The following LOXL1 variants were observed in gnomAD, a reference collection of about 807,000 sequenced individuals.
LOXL1 encodes lysyl oxidase homolog 1.
A neutral mutation model predicts 62.2 loss-of-function variants in LOXL1; 31 were observed. That is an observed-to-expected ratio of 0.50 (90% CI 0.37 to 0.67). LOXL1 has a LOEUF of 0.67. LOXL1 is among the 30% of genes least tolerant of loss of function. LOXL1 has a pLI of 0.00. For missense variants in LOXL1, 775 were observed against 843.4 expected (o/e 0.92, Z 1.00); for synonymous variants, 403 against 384.4 (o/e 1.05, Z -0.56).
At position 73,930,988 on chromosome 15, in the gene LOXL1, C is replaced by T. The variant is rs2068631328; in HGVS notation, c.1102+3103C>T. ...TGTGTCGGCTCCCTCGATGTGACCA[C>T]TCCTGCTATTACCAACCAGGCCCTC... is the stretch of plus-strand genomic sequence containing the variant. On this transcript the variant is annotated intron_variant, in intron 1 of 6. Coordinates refer to ENST00000261921, the MANE Select transcript of LOXL1 (RefSeq NM_005576.4). The surrounding 1 kb of genome is among the most constrained non-coding windows in gnomAD (Gnocchi z 4.7). Among the ~76,000 whole-genome samples, 1 of 152,168 alleles carries T rather than the reference C, an allele frequency of 6.6e-6. No individual in the cohort carries two copies. Among genetic ancestry groups the T allele is most frequent in the Non-Finnish European group, 1.5e-5 (1 of 68,028 alleles).
In LOXL1 at chr15:73,947,299, C is replaced by T. The variant is rs2068755077; in HGVS notation, c.1506+76C>T. On this transcript the variant is annotated intron_variant, in intron 4 of 6. Transcript: ENST00000261921. ...AGGCAAAGAGCGAGGCCCGCTGAGG[C>T]CCGGCAAGTGCCAAGGCTTCTGGCC... 2.0e-6 allele frequency: 3 copies of T among 1,492,042 alleles called. No homozygotes were observed. The Admixed American group carries it at 5.9e-5, about 29-fold the overall frequency. 92.4% of individuals were successfully genotyped at this position (1,492,042 alleles called of 1,614,324 possible).
At chr15:73,935,227 G>C (rs1241633328) in intron 1 of LOXL1, among the ~76,000 whole-genome samples, 1 of 152,194 alleles carries the variant, frequency 6.6e-6, no homozygotes, top group Non-Finnish European at 1.5e-5. Flanking sequence ...GTCAGCCAGG[G>C]GAACCGACAG....
In LOXL1 at chr15:73,926,877, C is replaced by T. The variant is rs1214574400; in HGVS notation, c.94C>T (p.Gln32Ter). 1 of 1,557,078 alleles carries T rather than the reference C, an allele frequency of 6.4e-7. No individual in the cohort carries two copies. The highest frequency in any genetic ancestry group is 8.7e-7 in the Non-Finnish European group (1 of 1,151,110). The change falls in exon 1 of 7, where the codon CAG becomes TAG. Residue 32 changes from glutamine to a stop codon, truncating the protein, a stop_gained. Coordinates refer to ENST00000261921, the MANE Select transcript of LOXL1 (RefSeq NM_005576.4). LOFTEE classifies it high-confidence loss of function. ...GCACGGGCAGCAGGCGCAGCCCGGG[C>T]AGGGCTCGGACCCCGCCCGCTGGCG... is the stretch of plus-strand genomic sequence containing the variant. The part of the protein sequence containing the change: ...LVHGQQAQPG[Q>*]GSDPARWRQL...
intron 5 of LOXL1, 126 bp from the exon 6 acceptor site, chr15:73,949,333 C>G (rs983974130): frequency 9.7e-6 from 7 of 719,986 alleles, no homozygotes; most frequent in Non-Finnish European, 1.8e-5. Flanking sequence ...CAGTGTGTCT[C>G]TGTTCTCCCT....
Position 73,927,282 on chromosome 15 carries a change from T to C in LOXL1, c.499T>C (p.Tyr167His). ...CTCGGCTTCGGCCTTCGCCAGCACC[T>C]ACCGCCAGCAGCCCTCCTACCCGCA... ...SVSASAFASTYRQQPSYPQQF... is the reference protein window; with the variant it reads ...SVSASAFASTHRQQPSYPQQF... The change falls in exon 1 of 7, where the codon TAC becomes CAC. Residue 167 changes from tyrosine to histidine, a missense_variant. By Grantham distance (83) the Tyr-to-His change is moderately conservative. Transcript: ENST00000261921. The C allele has an allele frequency of 6.2e-7, 1 of 1,603,060 alleles. No homozygotes were observed. The highest frequency in any genetic ancestry group is 8.5e-7 in the Non-Finnish European group (1 of 1,177,484).
At chr15:73,942,722 G>C in intron 1 of LOXL1, 132 bp from the exon 2 acceptor site, 1 of 684,474 alleles carries the variant, frequency 1.5e-6, no homozygotes, top group Non-Finnish European at 2.7e-6. Context: ...CAAGGAGAAT[G>C]GCAAAGGGTT....
At chr15:73,948,945 A>C (rs2068765582) in intron 5 of LOXL1, among the ~76,000 whole-genome samples, 1 of 152,206 alleles carries the variant, frequency 6.6e-6, no homozygotes, top group Non-Finnish European at 1.5e-5. Flanking sequence ...CAACATTTAA[A>C]AGTGTTGTAT....
At chr15:73,943,182 C>T (rs147576467) in intron 2 of LOXL1, among the ~76,000 whole-genome samples, 276 of 152,336 alleles carry the variant, frequency 1.8e-3, no homozygotes, top group African/African-American at 6.1e-3. Flanking sequence ...TTTCTGTATA[C>T]TGTACCTCAC....
intron 6 of LOXL1, among the ~76,000 whole-genome samples, chr15:73,950,473 G>C (rs1406711319): frequency 6.6e-6 from 1 of 152,164 alleles, no homozygotes; most frequent in Non-Finnish European, 1.5e-5. Flanking sequence ...GTATGGCCAG[G>C]GTCAGGATTC....
Position 73,945,688 on chromosome 15 carries a change from T to G in LOXL1, c.1212-729T>G, listed in dbSNP as rs1204902732. Among the ~76,000 whole-genome samples the G allele has an allele frequency of 6.6e-6, 1 of 152,046 alleles. No homozygotes were observed. The highest frequency in any genetic ancestry group is 1.5e-5 in the Non-Finnish European group (1 of 68,014). ...AGGGCTCTGTCTTGTTGTCAGAGAC[T>G]TATCAGAATCTCCTGGATAGGACTT... On this transcript the variant is annotated intron_variant, in intron 2 of 6. Transcript: ENST00000261921. This position sits in a 1 kb window ranked among gnomAD's most constrained non-coding sequence, Gnocchi z 4.3.
chr15:73,951,810 C>G (rs1484288698), intron 6 of LOXL1, 21 bp from the exon 7 acceptor site: 2 of 1,549,646 alleles, frequency 1.3e-6, no homozygotes, highest in Admixed American at 3.7e-5. Flanking sequence ...CCTCATTGAC[C>G]CACTGTCTTT....
rs555933908 is a variant in LOXL1 at position 73,927,782 on chromosome 15, G to C, written c.999G>C (p.Pro333=). The C allele has an allele frequency of 3.5e-6, 5 of 1,423,174 alleles. No homozygotes were observed. In the Admixed American group the frequency reaches 1.5e-4, roughly 42 times the overall value. 88.2% of individuals were successfully genotyped at this position (1,423,174 alleles called of 1,614,324 possible). Residue 333 remains proline, a synonymous_variant, in exon 1 of 7, where the codon CCG becomes CCC. Transcript: ENST00000261921. ...GCGCGCTGGAGCCGCCCTACCTGCC[G>C]GTGCGCAGCTCCGACACGCCCCCGC... ...PPRALEPPYL[P]VRSSDTPPPG... is the part of the protein sequence containing the mutation.
intron 6 of LOXL1, among the ~76,000 whole-genome samples, chr15:73,951,574 A>G (rs1227165655): frequency 6.6e-6 from 1 of 152,164 alleles, no homozygotes; most frequent in Non-Finnish European, 1.5e-5. Flanking sequence ...CAGCTCTGCT[A>G]ATGGCCTAGA....
chr15:73,927,158 C>G lies in LOXL1; in HGVS notation c.375C>G (p.Pro125=), dbSNP rs1360013285. The part of the protein sequence containing the change: ...ARHPFGFGQV[P]DNWREVAVGD... The stretch of plus-strand genomic sequence containing the variant: ...ACCCATTCGGCTTTGGCCAGGTGCC[C>G]GACAACTGGCGCGAGGTGGCCGTCG... The change falls in exon 1 of 7, where the codon CCC becomes CCG. Residue 125 remains proline (P), a synonymous_variant. Coordinates refer to ENST00000261921, the MANE Select transcript of LOXL1 (RefSeq NM_005576.4). The G allele has an allele frequency of 3.3e-6, 5 of 1,523,962 alleles. No individual in the cohort carries two copies. Among genetic ancestry groups the G allele is most frequent in the South Asian group, 1.2e-5 (1 of 82,358 alleles). The allele number at this position is 1,523,962 out of a possible 1,614,324, so 94.4% of individuals were successfully genotyped here.
In LOXL1 at chr15:73,927,803, C is replaced by T. The variant is rs1291360545; in HGVS notation, c.1020C>T (p.Pro340=). ...PYLPVRSSDT[P]PPGGERNGAQ... Reference sequence around the variant, plus strand: ...TGCCGGTGCGCAGCTCCGACACGCCCCCGCCGGGTGGGGAGCGGAACGGCG... The same window carrying T: ...TGCCGGTGCGCAGCTCCGACACGCCTCCGCCGGGTGGGGAGCGGAACGGCG... The change falls in exon 1 of 7, where the codon CCC becomes CCT. Residue 340 remains proline, a synonymous_variant. Transcript: ENST00000261921. 2.9e-6 allele frequency: 4 copies of T among 1,375,178 alleles called. No individual in the cohort carries two copies. Among genetic ancestry groups the T allele is most frequent in the Middle Eastern group, 2.6e-4 (1 of 3,812 alleles). 85.2% of individuals were successfully genotyped at this position (1,375,178 alleles called of 1,614,324 possible).
chr15:73,936,978 G>A (rs2068677836), intron 1 of LOXL1, among the ~76,000 whole-genome samples: 1 of 152,248 alleles, frequency 6.6e-6, no homozygotes, highest in Admixed American at 6.5e-5. Context: ...TCAGGGGCCA[G>A]CTAGTTCAGT....
At position 73,936,426 on chromosome 15, in the gene LOXL1, C is replaced by T. The variant is rs117939496; in HGVS notation, c.1103-6428C>T. Among the ~76,000 whole-genome samples the T allele has an allele frequency of 7.4e-4, 112 of 152,324 alleles. 2 individuals are homozygous for T. In the East Asian group the frequency reaches 0.019, roughly 26 times the overall value. On this transcript the variant is annotated intron_variant, in intron 1 of 6. Coordinates refer to ENST00000261921, the MANE Select transcript of LOXL1 (RefSeq NM_005576.4). ...TGGCTCATCTTTATTCAAGGCCCTGCTCTGCAGAGCTTTCTGCTTCTCTGC... is the reference window on the plus strand; with the variant it reads ...TGGCTCATCTTTATTCAAGGCCCTGTTCTGCAGAGCTTTCTGCTTCTCTGC...
chr15:73,946,120 G>A (rs535217434), intron 2 of LOXL1, among the ~76,000 whole-genome samples: 1 of 152,196 alleles, frequency 6.6e-6, no homozygotes, highest in African/African-American at 2.4e-5. Context: ...TCACCTGCAG[G>A]TATCAGGGAC....
intron 1 of LOXL1, chr15:73,941,741 C>G (rs11638944): frequency 0.37 from 56,933 of 152,482 alleles, 12,116 homozygotes; most frequent in Middle Eastern, 0.57. Context: ...GCCCTGGAGT[C>G]CCCCCTGCCC....
Sources: allele counts gnomAD v4.1 joint callset (sites outside exome capture counted in the v4.1 genomes callset), GRCh38; gene constraint gnomAD v4.1.1; non-coding constraint Gnocchi (gnomAD v3.1); transcripts MANE v1.5; gene names NCBI Gene and HGNC (gene_info 2026-07-23, HGNC 2026-07-21).